Variants in GRM8 observed in about 807,000 individuals in gnomAD.
GRM8 encodes the protein glutamate metabotropic receptor 8, also known as metabotropic glutamate receptor 8.
A neutral mutation model predicts 87.2 loss-of-function variants in GRM8; 47 were observed. The ratio of observed to expected loss-of-function variants is 0.54; its 90% CI spans 0.43 to 0.69. GRM8 has a LOEUF of 0.69. Ranked by LOEUF, GRM8 falls within the 30% of genes least tolerant of loss-of-function variation. The probability of loss-of-function intolerance (pLI) is 0.00; values close to 1 mark genes in which losing one functional copy is unlikely to be tolerated. For synonymous variants in GRM8, 396 were observed against 404.5 expected (o/e 0.98, Z 0.25); for missense variants, 1,019 against 1,139.2 (o/e 0.89, Z 1.52).
intron 3 of GRM8, among the ~76,000 whole-genome samples, chr7:126,935,460 C>A (rs1806214916): frequency 6.6e-6 from 1 of 152,128 alleles, no homozygotes; most frequent in African/African-American, 2.4e-5. Context: ...AACACCTAGG[C>A]AGGATGGCAG....
At chr7:126,875,016 C>A (rs528531839) in intron 6 of GRM8, among the ~76,000 whole-genome samples, 2 of 152,140 alleles carry the variant, frequency 1.3e-5, no homozygotes, top group Admixed American at 1.3e-4. Context: ...TATTAAACTG[C>A]TTATTAAAAT....
At chr7:126,674,434 C>A (rs1422864303) in intron 7 of GRM8, among the ~76,000 whole-genome samples, 1 of 152,136 alleles carries the variant, frequency 6.6e-6, no homozygotes, top group Non-Finnish European at 1.5e-5. Context: ...TGTCTATACT[C>A]AAAGCATCTT....
chr7:126,656,297 C>T (rs571989559), intron 7 of GRM8, among the ~76,000 whole-genome samples: 21 of 152,282 alleles, frequency 1.4e-4, no homozygotes, highest in African/African-American at 5.1e-4. Context: ...CAAAAGCCAG[C>T]CTTGACGGCC....
At chr7:126,622,655 C>T (rs891240359) in intron 7 of GRM8, among the ~76,000 whole-genome samples, 6 of 152,152 alleles carry the variant, frequency 3.9e-5, no homozygotes, top group Non-Finnish European at 8.8e-5. Flanking sequence ...CTTTCTTTTA[C>T]ATAAACAAAT....
At chr7:126,587,726 T>C (rs1199785216) in intron 8 of GRM8, among the ~76,000 whole-genome samples, 1 of 151,226 alleles carries the variant, frequency 6.6e-6, no homozygotes, top group Non-Finnish European at 1.5e-5. Flanking sequence ...CTAATGTAAA[T>C]GACGAGTTAA....
chr7:127,242,721 C>A lies in GRM8; in HGVS notation c.484G>T (p.Val162Phe), dbSNP rs1283445464. The A allele has an allele frequency of 3.1e-6, 5 of 1,613,992 alleles. No individual in the cohort carries two copies. The highest frequency in any genetic ancestry group is 4.2e-6 in the Non-Finnish European group (5 of 1,180,010). The part of the protein sequence containing the change: ...GAAASSVSIM[V>F]ANILRLFKIP... ...TTAAAAAGTCTTAAAATGTTAGCAA[C>A]CATGATGGACACGGAGCTTGCTGCA... The change falls in exon 2 of 11, where the codon GTT becomes TTT. Residue 162 changes from valine to phenylalanine, a missense_variant. Transcript: ENST00000339582.
At chr7:126,818,763 T>C (rs1355945575) in intron 6 of GRM8, among the ~76,000 whole-genome samples, 1 of 152,178 alleles carries the variant, frequency 6.6e-6, no homozygotes, top group African/African-American at 2.4e-5. Flanking sequence ...AACATAAGGA[T>C]ATCACATCTA....
At chr7:127,096,926 A>G (rs1182940145) in intron 3 of GRM8, among the ~76,000 whole-genome samples, 1 of 152,224 alleles carries the variant, frequency 6.6e-6, no homozygotes, top group Non-Finnish European at 1.5e-5. Context: ...TGCATAAGGC[A>G]TGGTTGGAAG....
rs75730631 is a variant in GRM8, at chr7:126,938,208, C to T, written c.728-33525G>A. ...CCTTCCCCTTCTCTGTCCCTTCCCC[C>T]TTCCCATGGGCCAGAATGCAGATGT... is the stretch of plus-strand genomic sequence containing the variant. On this transcript the variant is annotated intron_variant, in intron 3 of 10. Transcript: ENST00000339582. Among the ~76,000 whole-genome samples the T allele has an allele frequency of 9.2e-5, 14 of 152,278 alleles. No homozygotes were observed. In the East Asian group the frequency reaches 2.5e-3, roughly 27 times the overall value.
chr7:127,113,543 T>C (rs192819462), intron 2 of GRM8, among the ~76,000 whole-genome samples: 1 of 152,268 alleles, frequency 6.6e-6, no homozygotes, highest in African/African-American at 2.4e-5. Flanking sequence ...TCATGGAACT[T>C]AATTGGTGAA....
chr7:126,559,374 T>C (rs1489253843), intron 8 of GRM8, among the ~76,000 whole-genome samples: 1 of 152,020 alleles, frequency 6.6e-6, no homozygotes, highest in Non-Finnish European at 1.5e-5. Flanking sequence ...GGTTTCATCA[T>C]GTTACTCCGA....
chr7:126,790,102 G>A (rs999873000), intron 6 of GRM8, among the ~76,000 whole-genome samples: 1 of 151,858 alleles, frequency 6.6e-6, no homozygotes, highest in Admixed American at 6.6e-5. Flanking sequence ...CTGCCCCACA[G>A]GTTCAAATGA....
chr7:126,841,916 G>A (rs996154739), intron 6 of GRM8, among the ~76,000 whole-genome samples: 2 of 152,088 alleles, frequency 1.3e-5, no homozygotes, highest in African/African-American at 4.8e-5. Context: ...ACAGGCGTGA[G>A]CCACCGTGAC....
chr7:126,642,302 T>C (rs1802487204), intron 7 of GRM8, among the ~76,000 whole-genome samples: 1 of 152,208 alleles, frequency 6.6e-6, no homozygotes, highest in Admixed American at 6.5e-5. Context: ...CATTAGACTT[T>C]ACATTTTTAT....
At chr7:127,167,315 T>C (rs1793513815) in intron 2 of GRM8, among the ~76,000 whole-genome samples, 2 of 152,194 alleles carry the variant, frequency 1.3e-5, no homozygotes, top group Admixed American at 6.6e-5. Flanking sequence ...ACCAAAATTT[T>C]GTTGTATAAG....
intron 7 of GRM8, among the ~76,000 whole-genome samples, chr7:126,721,924 G>A (rs1396462585): frequency 1.3e-5 from 2 of 151,938 alleles, no homozygotes; most frequent in Non-Finnish European, 2.9e-5. Flanking sequence ...TTGAAGATTA[G>A]GCTAGGACAA....
Position 127,252,400 on chromosome 7 carries a change from G to A in GRM8, c.-312+397C>T, listed in dbSNP as rs984734070. ...GTAATGTAATCATGGGCAGACAAGA[G>A]GGGTGGCTGCCTTGTTCTTTGCAAC... is the stretch of plus-strand genomic sequence containing the variant. On this transcript the variant is annotated intron_variant, in intron 1 of 10. Transcript: ENST00000339582. The surrounding 1 kb of genome is among the most constrained non-coding windows in gnomAD (Gnocchi z 4.9). 4 of 152,152 alleles carry A rather than the reference G, an allele frequency of 2.6e-5. No individual in the cohort carries two copies. Among genetic ancestry groups the A allele is most frequent in the Admixed American group, 1.3e-4 (2 of 15,278 alleles). The allele number at this position is 152,152 out of a possible 1,614,324, so 9.4% of individuals were successfully genotyped here.
intron 7 of GRM8, among the ~76,000 whole-genome samples, chr7:126,676,521 G>A (rs1405699759): frequency 6.6e-6 from 1 of 151,998 alleles, no homozygotes; most frequent in Admixed American, 6.6e-5. Context: ...TGGTATAAAA[G>A]TAAATACATA....
chr7:127,220,301 A>G (rs1796838282), intron 2 of GRM8, among the ~76,000 whole-genome samples: 1 of 152,294 alleles, frequency 6.6e-6, no homozygotes, highest in Admixed American at 6.5e-5. Context: ...CCAGGGCAAA[A>G]GCTGCAGTAA....
Sources: gnomAD v4.1 joint callset for allele counts (sites outside exome capture counted in the v4.1 genomes callset) on GRCh38, gnomAD v4.1.1 for gene constraint, Gnocchi (gnomAD v3.1) non-coding constraint, MANE v1.5 for transcripts, NCBI Gene and HGNC (gene_info 2026-07-23, HGNC 2026-07-21) for gene names.